The following LARGE1 variants were observed in gnomAD, a reference collection of about 807,000 sequenced individuals.
The protein encoded by LARGE1 is xylosyl- and glucuronyltransferase LARGE1.
A neutral mutation model predicts 87.6 loss-of-function variants in LARGE1; 43 were observed. The ratio of observed to expected loss-of-function variants is 0.49; its 90% confidence interval spans 0.38 to 0.63. The LOEUF is 0.63. LARGE1 is among the 30% of genes least tolerant of loss of function. The pLI, the probability that LARGE1 is intolerant of heterozygous loss-of-function variation, is 0.00. For synonymous variants in LARGE1, 434 were observed against 394.6 expected (o/e 1.10, Z -1.18); for missense variants, 802 against 1,000.2 (o/e 0.80, Z 2.67).
chr22:33,243,488 G>T (rs1926614686), intron 11 of LARGE1, among the ~76,000 whole-genome samples: 1 of 152,098 alleles, frequency 6.6e-6, no homozygotes, highest in Non-Finnish European at 1.5e-5. Context: ...ATATTCCTTG[G>T]AATTATATAC....
At chr22:33,393,139 A>G (rs909350532) in intron 7 of LARGE1, among the ~76,000 whole-genome samples, 4 of 152,264 alleles carry the variant, frequency 2.6e-5, no homozygotes, top group Admixed American at 2.0e-4. Flanking sequence ...GATGTTAAAT[A>G]TAATCATCAT....
chr22:33,529,764 C>A (rs895571799), intron 6 of LARGE1, among the ~76,000 whole-genome samples: 4 of 152,172 alleles, frequency 2.6e-5, no homozygotes, highest in Non-Finnish European at 4.4e-5. Flanking sequence ...CAAAGGCAAA[C>A]CCAAATTTGA....
At chr22:33,552,962 G>C (rs1023164894) in intron 6 of LARGE1, among the ~76,000 whole-genome samples, 1 of 152,124 alleles carries the variant, frequency 6.6e-6, no homozygotes, top group South Asian at 2.1e-4. Context: ...CCCAGGTCTT[G>C]GAATCATCCC....
At chr22:33,613,305 C>T (rs1239926595) in intron 4 of LARGE1, among the ~76,000 whole-genome samples, 2 of 152,118 alleles carry the variant, frequency 1.3e-5, no homozygotes, top group Non-Finnish European at 2.9e-5. Context: ...CTTTTAGGCT[C>T]ACCAAACCAT....
At chr22:33,365,774 G>A (rs1048925640) in intron 9 of LARGE1, among the ~76,000 whole-genome samples, 7 of 152,132 alleles carry the variant, frequency 4.6e-5, no homozygotes, top group African/African-American at 1.2e-4. Context: ...GCGCCACCAC[G>A]TCTGGCTAAT....
the LARGE1 span, among the ~76,000 whole-genome samples, chr22:33,093,640 T>C: frequency 2.6e-5 from 4 of 152,064 alleles, no homozygotes; most frequent in Non-Finnish European, 4.4e-5. Flanking sequence ...TTTCCTGCCA[T>C]AGATAATCAA....
chr22:33,287,645 C>T lies in LARGE1; in HGVS notation c.1731-4297G>A, dbSNP rs1019076462. On this transcript the variant is annotated intron_variant, in intron 12 of 14. Coordinates refer to ENST00000397394, the MANE Select transcript of LARGE1 (RefSeq NM_133642.5). ...TACATCTTACCCTGGATGGGGCTTG[C>T]TGTCTTAGGGGTCAACAATTTGCAG... 5.3e-5 allele frequency among the ~76,000 whole-genome samples: 8 copies of T among 152,280 alleles called. 1 individual carries two copies. The highest frequency in any genetic ancestry group is 1.9e-4 in the African/African-American group (8 of 41,550).
intron 10 of LARGE1, 49 bp downstream of exon 10, chr22:33,337,597 A>G: frequency 6.2e-7 from 1 of 1,609,704 alleles, no homozygotes; most frequent in Non-Finnish European, 8.5e-7. Flanking sequence ...TCCTTGATGG[A>G]TGAGCAGAGA....
intron 11 of LARGE1, among the ~76,000 whole-genome samples, chr22:33,199,690 G>C (rs1924271783): frequency 6.6e-6 from 1 of 151,996 alleles, no homozygotes; most frequent in African/African-American, 2.4e-5. Flanking sequence ...TTACTTCTTG[G>C]TTCTCTATTC....
At chr22:33,863,410 T>A (rs9621783) in intron 1 of LARGE1, among the ~76,000 whole-genome samples, 96,857 of 152,028 alleles carry the variant, frequency 0.64, 31,110 homozygotes, top group East Asian at 0.73. Flanking sequence ...CAATGCCTGG[T>A]CAATCCCATC....
chr22:33,896,207 C>T (rs2065141384), intron 1 of LARGE1, among the ~76,000 whole-genome samples: 1 of 152,204 alleles, frequency 6.6e-6, no homozygotes, highest in South Asian at 2.1e-4. Flanking sequence ...TAATGACTGA[C>T]TCATTTAACT....
chr22:33,175,264 A>T (rs1426908211), intron 11 of LARGE1, among the ~76,000 whole-genome samples: 1 of 152,066 alleles, frequency 6.6e-6, no homozygotes, highest in African/African-American at 2.4e-5. Flanking sequence ...ACTCCTATTC[A>T]ATATAGTATT....
intron 5 of LARGE1, among the ~76,000 whole-genome samples, chr22:33,587,090 T>C (rs2078699339): frequency 6.6e-6 from 1 of 152,200 alleles, no homozygotes; most frequent in Non-Finnish European, 1.5e-5. Flanking sequence ...GAAGCAACAT[T>C]CAACGTTGCT....
chr22:33,672,298 T>C (rs186963010), intron 2 of LARGE1, among the ~76,000 whole-genome samples: 1 of 152,212 alleles, frequency 6.6e-6, no homozygotes, highest in Non-Finnish European at 1.5e-5. Flanking sequence ...AAACCGAAAA[T>C]TGCAGCAAGA....
intron 7 of LARGE1, among the ~76,000 whole-genome samples, chr22:33,407,857 C>G (rs756104714): frequency 3.3e-5 from 5 of 151,964 alleles, no homozygotes; most frequent in Non-Finnish European, 7.4e-5. Context: ...AGCTGTCAAT[C>G]TAAATAATAA....
At chr22:33,171,800 G>C (rs907979629) in intron 11 of LARGE1, among the ~76,000 whole-genome samples, 3 of 152,234 alleles carry the variant, frequency 2.0e-5, no homozygotes, top group African/African-American at 7.2e-5. Context: ...ACATTTGCTA[G>C]GCAGTGAGGA....
At chr22:33,867,757 G>A (rs2064150579) in intron 1 of LARGE1, among the ~76,000 whole-genome samples, 1 of 152,130 alleles carries the variant, frequency 6.6e-6, no homozygotes. Context: ...TGTTTAGTAA[G>A]TAAAAATAGT....
At chr22:33,627,242 A>G in intron 3 of LARGE1, among the ~76,000 whole-genome samples, 1 of 152,210 alleles carries the variant, frequency 6.6e-6, no homozygotes, top group Admixed American at 6.5e-5. Context: ...CATAGCAGTT[A>G]TCATTTTCTA....
At chr22:33,413,794 C>T (rs980356792) in intron 7 of LARGE1, among the ~76,000 whole-genome samples, 1 of 152,134 alleles carries the variant, frequency 6.6e-6, no homozygotes, top group Non-Finnish European at 1.5e-5. Flanking sequence ...CTGCCCACTG[C>T]CCTCTTGAAC....
Sources: gnomAD v4.1 joint callset for allele counts (sites outside exome capture counted in the v4.1 genomes callset) on GRCh38, gnomAD v4.1.1 for gene constraint, MANE v1.5 for transcripts, NCBI Gene and HGNC (gene_info 2026-07-23, HGNC 2026-07-21) for gene names.